RB1CC1: variants seen among roughly 807,000 people sequenced by gnomAD.
RB1CC1 encodes the protein RB1 inducible coiled-coil 1, also known as RB1-inducible coiled-coil protein 1.
In RB1CC1, 46 loss-of-function variants were observed where a neutral mutation model predicts 177.5. The observed-to-expected ratio is 0.26, with a 90% CI of 0.20 to 0.33. The LOEUF (loss-of-function observed/expected upper bound fraction) is 0.33. Among genes scored for constraint, RB1CC1 ranks in the 10% least tolerant of loss-of-function variants. The pLI is 1.00. For missense variants in RB1CC1, 1,703 were observed against 1,816.3 expected, an observed-to-expected ratio of 0.94 and a Z score of 1.13; for synonymous variants, 666 against 613.6, an observed-to-expected ratio of 1.09 and a Z score of -1.26.
intron 1 of RB1CC1, among the ~76,000 whole-genome samples, chr8:52,700,125 T>C (rs1855918000): frequency 6.6e-6 from 1 of 151,964 alleles, no homozygotes; most frequent in Non-Finnish European, 1.5e-5. Flanking sequence ...CCTCTACCTA[T>C]TCCTCACACT....
At chr8:52,639,210 C>T (rs533418777) in intron 18 of RB1CC1, among the ~76,000 whole-genome samples, 2 of 152,250 alleles carry the variant, frequency 1.3e-5, no homozygotes, top group African/African-American at 4.8e-5. Flanking sequence ...TTTCCACGTA[C>T]AGCTTTCAGG....
intron 16 of RB1CC1, among the ~76,000 whole-genome samples, chr8:52,644,034 T>C (rs1235163541): frequency 6.6e-6 from 1 of 152,144 alleles, no homozygotes; most frequent in Non-Finnish European, 1.5e-5. Context: ...GCCATCTCTA[T>C]GTATTTTATT....
chr8:52,666,876 C>A (rs1226720070), intron 8 of RB1CC1, among the ~76,000 whole-genome samples: 2 of 151,902 alleles, frequency 1.3e-5, no homozygotes. Context: ...GTAAATGAAA[C>A]GGATATGGTG....
At chr8:52,692,311 A>G (rs1365972280) in intron 1 of RB1CC1, among the ~76,000 whole-genome samples, 1 of 152,196 alleles carries the variant, frequency 6.6e-6, no homozygotes, top group African/African-American at 2.4e-5. Context: ...CATGATACCT[A>G]CTTTCAGGGG....
chr8:52,679,163 A>T (rs1337327997), intron 5 of RB1CC1, among the ~76,000 whole-genome samples: 1 of 152,228 alleles, frequency 6.6e-6, no homozygotes, highest in East Asian at 1.9e-4. Context: ...TCAAGCTGGG[A>T]ACTATGTCAG....
chr8:52,639,677 T>C (rs1490309807), intron 18 of RB1CC1, among the ~76,000 whole-genome samples: 1 of 152,200 alleles, frequency 6.6e-6, no homozygotes, highest in Non-Finnish European at 1.5e-5. Flanking sequence ...ATTAAATAAA[T>C]GGGCACTGCA....
chr8:52,706,645 T>C (rs1173689935), intron 1 of RB1CC1, among the ~76,000 whole-genome samples: 3 of 150,274 alleles, frequency 2.0e-5, no homozygotes, highest in African/African-American at 4.9e-5. Context: ...GGCAGGAGAA[T>C]GGCGTGAACC....
chr8:52,632,843 G>C (rs1017393848), intron 20 of RB1CC1, among the ~76,000 whole-genome samples: 3 of 152,128 alleles, frequency 2.0e-5, no homozygotes, highest in Non-Finnish European at 4.4e-5. Flanking sequence ...ACAAAAAACA[G>C]ACAGAACTTA....
intron 22 of RB1CC1, among the ~76,000 whole-genome samples, chr8:52,627,795 G>A (rs541619108): frequency 2.0e-5 from 3 of 152,128 alleles, no homozygotes; most frequent in African/African-American, 7.2e-5. Flanking sequence ...TGAGATGTCC[G>A]AATCACTGCA....
In RB1CC1 at chr8:52,657,888, G is replaced by A; in HGVS notation, c.1941C>T (p.Ser647=). Residue 647 remains serine (S), a synonymous_variant, in exon 15 of 24, where the codon TCC becomes TCT. Coordinates refer to ENST00000025008, the MANE Select transcript of RB1CC1 (RefSeq NM_014781.5). ...SEQKASVSQT[S]PQSASSPRME... is the part of the protein sequence containing the mutation. ...TCCTTGGTGAAGAAGCAGACTGTGG[G>A]GATGTCTGACTCACAGATGCCTGGA... 1 of 1,613,504 alleles carries A rather than the reference G, an allele frequency of 6.2e-7. No homozygotes were observed. Among genetic ancestry groups the A allele is most frequent in the Non-Finnish European group, 8.5e-7 (1 of 1,179,772 alleles).
chr8:52,686,584 C>T (rs1854294976), intron 2 of RB1CC1, among the ~76,000 whole-genome samples: 1 of 151,936 alleles, frequency 6.6e-6, no homozygotes, highest in Non-Finnish European at 1.5e-5. Context: ...AAAATAATGA[C>T]ATAAAAAGGG....
chr8:52,679,829 T>C (rs1853530492), intron 5 of RB1CC1, among the ~76,000 whole-genome samples: 1 of 151,860 alleles, frequency 6.6e-6, no homozygotes, highest in South Asian at 2.1e-4. Context: ...AATTAGAGAG[T>C]AGCAGAAGAA....
At chr8:52,694,413 C>T (rs1271903378) in intron 1 of RB1CC1, among the ~76,000 whole-genome samples, 2 of 152,148 alleles carry the variant, frequency 1.3e-5, no homozygotes, top group African/African-American at 4.8e-5. Flanking sequence ...CGAACTGATG[C>T]CAACTGGGCA....
chr8:52,710,279 GACTTCCTAAATATACGCCTT>G (rs1164542679), intron 1 of RB1CC1, among the ~76,000 whole-genome samples: 4 of 152,180 alleles, frequency 2.6e-5, no homozygotes, highest in Non-Finnish European at 5.9e-5. Flanking sequence ...TAAAAGTTCA[GACTTCCTAAATATACGCCTT>G]GTCTACAAAC....
At chr8:52,707,737 C>T (rs1458088959) in intron 1 of RB1CC1, among the ~76,000 whole-genome samples, 3 of 152,194 alleles carry the variant, frequency 2.0e-5, no homozygotes, top group African/African-American at 7.2e-5. Context: ...TTTACAGCTA[C>T]ACTCTCTTTG....
rs905673300 is a variant in RB1CC1, at chr8:52,661,274, A to C, written c.1366T>G (p.Cys456Gly). The C allele has an allele frequency of 2.0e-5, 33 of 1,611,788 alleles. No individual in the cohort carries two copies. The Admixed American group carries it at 5.1e-4, about 25-fold the overall frequency. The change falls in exon 10 of 24, where the codon TGC becomes GGC. Residue 456 changes from cysteine (C) to glycine (G), a missense_variant. Physicochemically the swap from Cys to Gly is radical, Grantham distance 159. Coordinates refer to ENST00000025008, the MANE Select transcript of RB1CC1 (RefSeq NM_014781.5). ...NNLHVRLKWC[C>G]FVMLHADQDG... The stretch of plus-strand genomic sequence containing the variant: ...TGATCAGCATGAAGCATTACAAAGC[A>C]ACACCACCTAGAGAATAAAATCCAT...
chr8:52,682,454 A>G (rs1853843598), intron 5 of RB1CC1, among the ~76,000 whole-genome samples: 1 of 152,186 alleles, frequency 6.6e-6, no homozygotes, highest in South Asian at 2.1e-4. Flanking sequence ...CTATTTATGT[A>G]TTTAAAAAAT....
chr8:52,623,889 A>C, intron 23 of RB1CC1, 30 bp from the exon 24 acceptor site: 13 of 1,421,226 alleles, frequency 9.1e-6, no homozygotes, highest in African/African-American at 1.4e-5. Context: ...TGGAATCACT[A>C]GAGTGATTAA....
intron 18 of RB1CC1, among the ~76,000 whole-genome samples, chr8:52,638,519 T>C (rs1190508629): frequency 6.6e-6 from 1 of 152,126 alleles, no homozygotes; most frequent in Non-Finnish European, 1.5e-5. Flanking sequence ...TAAAAGAGAT[T>C]ATAAAAAACT....
Sources: allele counts gnomAD v4.1 joint callset (sites outside exome capture counted in the v4.1 genomes callset), GRCh38; gene constraint gnomAD v4.1.1; transcripts MANE v1.5; gene names NCBI Gene and HGNC (gene_info 2026-07-23, HGNC 2026-07-21).